The following PPP4R1 variants were observed in gnomAD, a reference collection of about 807,000 sequenced individuals.
PPP4R1 encodes the protein protein phosphatase 4 regulatory subunit 1.
A neutral mutation model predicts 111.2 loss-of-function variants in PPP4R1; 42 were observed. That is an observed-to-expected ratio of 0.38 (90% CI 0.29 to 0.49). PPP4R1 has a LOEUF of 0.49. Ranked by LOEUF, PPP4R1 falls within the 20% of genes least tolerant of loss-of-function variation. The probability of loss-of-function intolerance (pLI) is 0.97; values close to 1 mark genes in which losing one functional copy is unlikely to be tolerated. For synonymous variants in PPP4R1, 409 were observed against 405.5 expected (o/e 1.01, Z -0.10); for missense variants, 1,012 against 1,161.6 (o/e 0.87, Z 1.87).
At chr18:9,555,414 C>T (rs184521697) in intron 15 of PPP4R1, among the ~76,000 whole-genome samples, 125 of 152,206 alleles carry the variant, frequency 8.2e-4, no homozygotes, top group Non-Finnish European at 1.3e-3. Flanking sequence ...TGTATAGATG[C>T]CTGGATATGA....
At position 9,559,532 on chromosome 18, in the gene PPP4R1, T is replaced by C. The variant is rs941865324; in HGVS notation, c.1915A>G (p.Thr639Ala). 1 of 1,613,736 alleles carries C rather than the reference T, an allele frequency of 6.2e-7. No individual in the cohort carries two copies. The highest frequency in any genetic ancestry group is 8.5e-7 in the Non-Finnish European group (1 of 1,179,748). The change falls in exon 14 of 20, where the codon ACT (threonine) becomes GCT (alanine). Residue 639 changes from threonine (T) to alanine (A), a missense_variant. This residue lies in a region of PPP4R1 where 305 missense variants were observed against 419.5 expected (regional missense o/e 0.73). Transcript: ENST00000400556. Reference protein sequence around the residue: ...TDPSRAQTVDTEIAKHCAYSL... With the variant: ...TDPSRAQTVDAEIAKHCAYSL... Reference sequence around the variant, plus strand: ...TATGCACAGTGCTTAGCAATTTCAGTGTCAACCGTCTGTGCACGAGAAGGG... The same window carrying C: ...TATGCACAGTGCTTAGCAATTTCAGCGTCAACCGTCTGTGCACGAGAAGGG...
intron 2 of PPP4R1, among the ~76,000 whole-genome samples, chr18:9,601,215 TG>T (rs201754125): frequency 7.7e-6 from 1 of 130,236 alleles, no homozygotes; most frequent in Non-Finnish European, 1.6e-5. Context: ...TTTTTTTTTT[TG>T]GGGAAAAAAA....
At chr18:9,606,206 G>C (rs532733138) in intron 2 of PPP4R1, among the ~76,000 whole-genome samples, 2 of 152,200 alleles carry the variant, frequency 1.3e-5, no homozygotes, top group Admixed American at 1.3e-4. Context: ...AACACTGTGT[G>C]ATGAGTCAAG....
intron 2 of PPP4R1, among the ~76,000 whole-genome samples, chr18:9,596,749 A>T (rs2067296425): frequency 1.3e-5 from 2 of 152,208 alleles, no homozygotes; most frequent in African/African-American, 4.8e-5. Flanking sequence ...TTTTAAAGTA[A>T]ATGTGTATAT....
chr18:9,557,145 G>A, intron 15 of PPP4R1, 76 bp downstream of exon 15: 2 of 1,346,322 alleles, frequency 1.5e-6, no homozygotes, highest in Non-Finnish European at 2.0e-6. Flanking sequence ...AACCTCTCTT[G>A]GTGATAGCAG....
At chr18:9,566,982 T>C (rs1275561011) in intron 11 of PPP4R1, among the ~76,000 whole-genome samples, 1 of 152,232 alleles carries the variant, frequency 6.6e-6, no homozygotes, top group East Asian at 1.9e-4. Flanking sequence ...ATACCCATTC[T>C]GCAGCCCAAG....
At chr18:9,589,399 T>A (rs1201365368) in intron 4 of PPP4R1, among the ~76,000 whole-genome samples, 1 of 152,206 alleles carries the variant, frequency 6.6e-6, no homozygotes, top group Non-Finnish European at 1.5e-5. Flanking sequence ...CAAATTTAAA[T>A]GTGAGAAATA....
At chr18:9,581,404 T>G (rs1176546256) in intron 9 of PPP4R1, among the ~76,000 whole-genome samples, 1 of 152,160 alleles carries the variant, frequency 6.6e-6, no homozygotes, top group Non-Finnish European at 1.5e-5. Context: ...CAGATGGAAT[T>G]CTACAGCTGA....
At chr18:9,568,752 T>A (rs2066811540) in intron 11 of PPP4R1, among the ~76,000 whole-genome samples, 1 of 152,062 alleles carries the variant, frequency 6.6e-6, no homozygotes, top group Non-Finnish European at 1.5e-5. Flanking sequence ...AAAAATAAAA[T>A]AAGCTGAGCG....
chr18:9,550,284 G>T lies in PPP4R1; in HGVS notation c.2406C>A (p.Tyr802Ter). 1 of 1,614,046 alleles carries T rather than the reference G, an allele frequency of 6.2e-7. No homozygotes were observed. The highest frequency in any genetic ancestry group is 8.5e-7 in the Non-Finnish European group (1 of 1,179,986). The change falls in exon 17 of 20, where the codon TAC (tyrosine) becomes TAA (stop). Residue 802 changes from tyrosine to a stop codon, truncating the protein, a stop_gained. Coordinates refer to ENST00000400556, the MANE Select transcript of PPP4R1 (RefSeq NM_001042388.3). LOFTEE classifies it high-confidence loss of function. The part of the protein sequence containing the change: ...DKVSSVRWIS[Y>*]KLVSEMVKKL... Reference sequence around the variant, plus strand: ...TTAAAAGTTCAATACATACCAACTTGTAGGAAATCCAACGAACAGAAGAAA... The same window carrying T: ...TTAAAAGTTCAATACATACCAACTTTTAGGAAATCCAACGAACAGAAGAAA...
At chr18:9,581,632 G>A (rs1045916058) in intron 9 of PPP4R1, among the ~76,000 whole-genome samples, 1 of 152,058 alleles carries the variant, frequency 6.6e-6, no homozygotes, top group African/African-American at 2.4e-5. Context: ...ATTAGAGGGA[G>A]AGAAGAGAGA....
Position 9,570,180 on chromosome 18 carries a change from T to C in PPP4R1, c.1550A>G (p.His517Arg). 1 of 1,529,780 alleles carries C rather than the reference T, an allele frequency of 6.5e-7. No individual in the cohort carries two copies. Among genetic ancestry groups the C allele is most frequent in the Non-Finnish European group, 8.8e-7 (1 of 1,140,054 alleles). The allele number at this position is 1,529,780 out of a possible 1,614,324, so 94.8% of individuals were successfully genotyped here. ...LEEMIENLEPHIDDPDVKAQV... is the reference protein window; with the variant it reads ...LEEMIENLEPRIDDPDVKAQV... ...ACCTTTAACATCTGGATCATCAATG[T>C]GGGGCTCTAGATTTTCTATCATTTC... Residue 517 changes from histidine (H) to arginine (R), a missense_variant, in exon 11 of 20, where the codon CAC (histidine) becomes CGC (arginine). Physicochemically the swap from His to Arg is conservative, Grantham distance 29. Coordinates refer to ENST00000400556, the MANE Select transcript of PPP4R1 (RefSeq NM_001042388.3).
intron 6 of PPP4R1, chr18:9,587,474 C>T (rs150804364): frequency 7.9e-5 from 12 of 151,236 alleles, no homozygotes; most frequent in African/African-American, 2.4e-4. Context: ...ATGACCTCGG[C>T]TCACTGTAAC....
intron 2 of PPP4R1, among the ~76,000 whole-genome samples, chr18:9,596,225 T>C (rs1361963069): frequency 2.6e-5 from 4 of 152,124 alleles, no homozygotes; most frequent in Non-Finnish European, 5.9e-5. Flanking sequence ...TAAATATAAA[T>C]TGAAGTTTTA....
intron 2 of PPP4R1, among the ~76,000 whole-genome samples, chr18:9,609,546 T>A (rs1246508009): frequency 2.0e-5 from 3 of 152,128 alleles, no homozygotes; most frequent in Non-Finnish European, 4.4e-5. Context: ...AACAGCATAA[T>A]GTAAAAGGAT....
intron 7 of PPP4R1, 51 bp from the exon 8 acceptor site, chr18:9,584,631 TC>T: frequency 6.2e-7 from 1 of 1,604,122 alleles, no homozygotes; most frequent in Non-Finnish European, 8.5e-7. Context: ...ATAAGGTTCT[TC>T]TAAGATAATC....
At chr18:9,548,020 A>T in intron 19 of PPP4R1, 68 bp from the exon 20 acceptor site, 1 of 1,484,340 alleles carries the variant, frequency 6.7e-7, no homozygotes, top group Non-Finnish European at 9.2e-7. Flanking sequence ...TCCGTCAAGT[A>T]CGAGTGTAAA....
At chr18:9,600,450 TTAAA>T (rs2067362851) in intron 2 of PPP4R1, among the ~76,000 whole-genome samples, 1 of 152,066 alleles carries the variant, frequency 6.6e-6, no homozygotes, top group African/African-American at 2.4e-5. Flanking sequence ...AATATTTCAT[TTAAA>T]AGGCAAAGAT....
rs1031711086 is a variant in PPP4R1, at chr18:9,614,185, C to T, written c.52+41G>A. 3.5e-5 allele frequency: 46 copies of T among 1,330,674 alleles called. No homozygotes were observed. The highest frequency in any genetic ancestry group is 4.2e-5 in the Non-Finnish European group (43 of 1,027,796). 82.4% of individuals were successfully genotyped at this position (1,330,674 alleles called of 1,614,324 possible). A position where few individuals can be genotyped will look rare whatever the true frequency, so the allele number is the denominator to read the frequency against. On this transcript the variant is annotated intron_variant, in intron 2 of 19. Transcript: ENST00000400556. This position sits in a 1 kb window ranked among gnomAD's most constrained non-coding sequence, Gnocchi z 4.1. Reference sequence around the variant, plus strand: ...CCGCCGCCCGCCCTCCCCGGCCGCTCCCCGCGGACTGCCAGGCCACCGCGA... The same window carrying T: ...CCGCCGCCCGCCCTCCCCGGCCGCTTCCCGCGGACTGCCAGGCCACCGCGA...
Sources: gnomAD v4.1 joint callset for allele counts (sites outside exome capture counted in the v4.1 genomes callset) on GRCh38, gnomAD v4.1.1 for gene constraint, gnomAD v4.1.1 regional missense constraint, Gnocchi (gnomAD v3.1) non-coding constraint, MANE v1.5 for transcripts, NCBI Gene and HGNC (gene_info 2026-07-23, HGNC 2026-07-21) for gene names.